The following RCHY1 variants were observed in gnomAD, a reference collection of about 807,000 sequenced individuals.
The protein encoded by RCHY1 is RING finger and CHY zinc finger domain-containing protein 1.
A neutral mutation model predicts 41.6 loss-of-function variants in RCHY1; 21 were observed. The observed-to-expected ratio is 0.51, with a 90% CI of 0.36 to 0.73. The LOEUF is 0.73. RCHY1 is among the 30% of genes least tolerant of loss of function. The pLI is 0.00. For synonymous variants in RCHY1, 79 were observed against 102.9 expected, an observed-to-expected ratio of 0.77 and a Z score of 1.41; for missense variants, 265 against 325.3, an observed-to-expected ratio of 0.81 and a Z score of 1.43.
intron 8 of RCHY1, among the ~76,000 whole-genome samples, chr4:75,483,859 A>C (rs1264601980): frequency 6.6e-6 from 1 of 152,186 alleles, no homozygotes; most frequent in East Asian, 1.9e-4. Context: ...AAAATTATCT[A>C]GCCAGAATAC....
At position 75,494,248 on chromosome 4, in the gene RCHY1, A is replaced by G. The variant is rs576398949; in HGVS notation, c.327-69T>C. 9.0e-6 allele frequency: 10 copies of G among 1,115,812 alleles called. No homozygotes were observed. The African/African-American group carries it at 1.5e-4, about 16-fold the overall frequency. The allele number at this position is 1,115,812 out of a possible 1,614,324, so 69.1% of individuals were successfully genotyped here. ...TACAGTCATGATTTGTTCATTATGT[A>G]AAACACAAGTTTAGTCTCTGTAAAA... On this transcript the variant is annotated intron_variant, in intron 3 of 8. Coordinates refer to ENST00000324439, the MANE Select transcript of RCHY1 (RefSeq NM_015436.4).
chr4:75,484,246 G>A (rs1484165239), intron 8 of RCHY1, among the ~76,000 whole-genome samples: 2 of 152,148 alleles, frequency 1.3e-5, no homozygotes, highest in East Asian at 3.9e-4. Flanking sequence ...CTGCTCTCTT[G>A]CAGCCATTAG....
intron 3 of RCHY1, among the ~76,000 whole-genome samples, chr4:75,500,743 C>T (rs146344451): frequency 3.9e-4 from 60 of 152,120 alleles, no homozygotes; most frequent in African/African-American, 1.3e-3. Context: ...TTCATCCTTG[C>T]CTTATAGATT....
rs372325516 is a variant in RCHY1 at position 75,490,494 on chromosome 4, T to TA, written c.657+86_657+87insT. 4,598 of 709,754 alleles carry TA rather than the reference T, an allele frequency of 6.5e-3. 32 individuals carry two copies. The highest frequency in any genetic ancestry group is 0.031 in the African/African-American group (1,172 of 37,966). The allele number at this position is 709,754 out of a possible 1,614,324, so 44.0% of individuals were successfully genotyped here. A position where few individuals can be genotyped will look rare whatever the true frequency, so the allele number is the denominator to read the frequency against. On this transcript the variant is annotated intron_variant, in intron 8 of 8. Coordinates refer to ENST00000324439, the MANE Select transcript of RCHY1 (RefSeq NM_015436.4). ...TCTGTGTCAAACCAGTATATATATA[T>TA]TTTTTTTTTGGCAAATTCAAGCAGG... is the stretch of plus-strand genomic sequence containing the variant.
chr4:75,504,981 T>C (rs1245354804), intron 3 of RCHY1, among the ~76,000 whole-genome samples: 1 of 152,208 alleles, frequency 6.6e-6, no homozygotes, highest in Non-Finnish European at 1.5e-5. Flanking sequence ...GCCTACACAT[T>C]ACTGTGCACC....
At position 75,514,327 on chromosome 4, in the gene RCHY1, G is replaced by A. The variant is rs1725326278; in HGVS notation, c.-41C>T. On this transcript the variant is annotated 5_prime_UTR_variant, in exon 1 of 9. Coordinates refer to ENST00000324439, the MANE Select transcript of RCHY1 (RefSeq NM_015436.4). ...TCACATTCCACCGATCCTTCCCCCA[G>A]GATAAAAACCACGCCCAGAGAAGCT... 2 of 1,587,914 alleles carry A rather than the reference G, an allele frequency of 1.3e-6. No homozygotes were observed. Among genetic ancestry groups the A allele is most frequent in the South Asian group, 1.1e-5 (1 of 89,930 alleles).
In RCHY1 at chr4:75,482,083, T is replaced by C. The variant is rs1425159814; in HGVS notation, c.*455A>G. ...GGATCCAGAGGACTGTCTTAGAAAA[T>C]TCTAAAGCATATTTAATTAGGTTTT... On this transcript the variant is annotated 3_prime_UTR_variant, in exon 9 of 9. Coordinates refer to ENST00000324439, the MANE Select transcript of RCHY1 (RefSeq NM_015436.4). 1 of 152,152 alleles carries C rather than the reference T, an allele frequency of 6.6e-6. No individual in the cohort carries two copies. Among genetic ancestry groups the C allele is most frequent in the Non-Finnish European group, 1.5e-5 (1 of 68,046 alleles). 9.4% of individuals were successfully genotyped at this position (152,152 alleles called of 1,614,324 possible). A position where few individuals can be genotyped will look rare whatever the true frequency, so the allele number is the denominator to read the frequency against.
Position 75,482,471 on chromosome 4 carries a change from C to T in RCHY1, c.*67G>A. 2 of 1,451,930 alleles carry T rather than the reference C, an allele frequency of 1.4e-6. No individual in the cohort carries two copies. Among genetic ancestry groups the T allele is most frequent in the Middle Eastern group, 1.8e-4 (1 of 5,478 alleles). The allele number at this position is 1,451,930 out of a possible 1,614,324, so 89.9% of individuals were successfully genotyped here. ...ATGCATAGATGACGACACATGATAA[C>T]ACGATACCAAGGAAAGCCTTTTTCT... On this transcript the variant is annotated 3_prime_UTR_variant, in exon 9 of 9. Transcript: ENST00000324439.
rs1415407866 is a variant in RCHY1 at position 75,482,204 on chromosome 4, G to GCA, written c.*332_*333dup. 1 of 160,608 alleles carries GCA rather than the reference G, an allele frequency of 6.2e-6. No individual in the cohort carries two copies. Among genetic ancestry groups the GCA allele is most frequent in the East Asian group, 1.8e-4 (1 of 5,662 alleles). The allele number at this position is 160,608 out of a possible 1,614,324, so 9.9% of individuals were successfully genotyped here. ...TTCTATCAAGAACTAGAAATGAACT[G>GCA]CACGCGTAGTGTCACTTAAAGCAAA... On this transcript the variant is annotated 3_prime_UTR_variant, in exon 9 of 9. Coordinates refer to ENST00000324439, the MANE Select transcript of RCHY1 (RefSeq NM_015436.4).
chr4:75,508,731 G>A (rs1175369998), intron 3 of RCHY1, 89 bp downstream of exon 3: 1 of 657,420 alleles, frequency 1.5e-6, no homozygotes, highest in African/African-American at 1.9e-5. Context: ...CTTATCAGAT[G>A]TAAATTACAC....
In RCHY1 at chr4:75,482,447, T is replaced by C. The variant is rs1721594850; in HGVS notation, c.*91A>G. ...CTAGTACAAAACACATCAACTCTAATGCATAGATGACGACACATGATAACA... is the reference window on the plus strand; with the variant it reads ...CTAGTACAAAACACATCAACTCTAACGCATAGATGACGACACATGATAACA... On this transcript the variant is annotated 3_prime_UTR_variant, in exon 9 of 9. Transcript: ENST00000324439. The C allele has an allele frequency of 4.1e-6, 5 of 1,206,454 alleles. No homozygotes were observed. The South Asian group carries it at 5.6e-5, about 13-fold the overall frequency. 74.7% of individuals were successfully genotyped at this position (1,206,454 alleles called of 1,614,324 possible). A position where few individuals can be genotyped will look rare whatever the true frequency, so the allele number is the denominator to read the frequency against.
At chr4:75,505,451 G>T (rs1024856211) in intron 3 of RCHY1, among the ~76,000 whole-genome samples, 1 of 152,148 alleles carries the variant, frequency 6.6e-6, no homozygotes, top group East Asian at 1.9e-4. Context: ...ACAATAACTT[G>T]AATGTCAATA....
chr4:75,514,470 G>T (rs1184338513), upstream of RCHY1: 1 of 582,222 alleles, frequency 1.7e-6, no homozygotes. Flanking sequence ...CGGAAGCGAA[G>T]GCAGACGCAG....
chr4:75,509,340 A>G, intron 1 of RCHY1, 44 bp from the exon 2 acceptor site: 1 of 1,589,560 alleles, frequency 6.3e-7, no homozygotes, highest in Non-Finnish European at 8.6e-7. Context: ...GAAGCAAAAG[A>G]AACTAAGTGT....
chr4:75,496,645 G>A (rs1186502002), intron 3 of RCHY1, among the ~76,000 whole-genome samples: 3 of 152,076 alleles, frequency 2.0e-5, no homozygotes, highest in Admixed American at 1.3e-4. Context: ...CCTCAACAGT[G>A]GAGAATAGCC....
intron 3 of RCHY1, among the ~76,000 whole-genome samples, chr4:75,496,270 G>C (rs1251362169): frequency 2.6e-4 from 39 of 152,056 alleles, no homozygotes; most frequent in Admixed American, 2.6e-3. Context: ...AAGTAAGTGA[G>C]CCCTAAAATT....
intron 3 of RCHY1, among the ~76,000 whole-genome samples, chr4:75,507,152 G>C (rs1198164773): frequency 6.6e-6 from 1 of 151,974 alleles, no homozygotes; most frequent in African/African-American, 2.4e-5. Context: ...TCTTTAAGCA[G>C]AAGAAAAGTA....
chr4:75,502,599 A>C (rs1043189393), intron 3 of RCHY1, among the ~76,000 whole-genome samples: 1 of 152,230 alleles, frequency 6.6e-6, no homozygotes, highest in Admixed American at 6.5e-5. Context: ...TTAATAGAAT[A>C]AACTCATTCT....
rs200625658 is a variant in RCHY1 at position 75,510,838 on chromosome 4, AT to A, written c.91-1543del. On this transcript the variant is annotated intron_variant, in intron 1 of 8. Transcript: ENST00000324439. The stretch of plus-strand genomic sequence containing the variant: ...ACATGTTTTAATGAAAAATAACTAT[AT>A]TTTTCCCCCCAAACAGCTGAATTCT... Among the ~76,000 whole-genome samples the A allele has an allele frequency of 5.8e-4, 88 of 152,304 alleles. 1 individual carries two copies. The East Asian group carries it at 0.016, about 28-fold the overall frequency.
Sources: gnomAD v4.1 joint callset for allele counts (sites outside exome capture counted in the v4.1 genomes callset) on GRCh38, gnomAD v4.1.1 for gene constraint, MANE v1.5 for transcripts, NCBI Gene and HGNC (gene_info 2026-07-23, HGNC 2026-07-21) for gene names.